SDC4: variants seen among roughly 807,000 people sequenced by gnomAD.
The protein encoded by SDC4 is syndecan 4, also known as syndecan-4.
A neutral mutation model predicts 20.5 loss-of-function variants in SDC4; 17 were observed. That is an observed-to-expected ratio of 0.83 (90% CI 0.57 to 1.25). The LOEUF is 1.25. SDC4 is among the 50% of genes most tolerant of loss of function. The pLI, the probability that SDC4 is intolerant of heterozygous loss-of-function variation, is 0.00. For missense variants in SDC4, 241 were observed against 252.3 expected, an observed-to-expected ratio of 0.96 and a Z score of 0.30; for synonymous variants, 107 against 105.3, an observed-to-expected ratio of 1.02 and a Z score of -0.10.
intron 1 of SDC4, among the ~76,000 whole-genome samples, chr20:45,336,552 G>T (rs1254814950): frequency 6.6e-6 from 1 of 152,144 alleles, no homozygotes; most frequent in African/African-American, 2.4e-5. Context: ...TACAGCCGAG[G>T]GAGTCATTTT....
chr20:45,341,732 C>T (rs573908751), intron 1 of SDC4, among the ~76,000 whole-genome samples: 56 of 152,196 alleles, frequency 3.7e-4, no homozygotes, highest in South Asian at 2.5e-3. Flanking sequence ...AGGCCTGGCA[C>T]TGCCTGCAAC....
At chr20:45,341,899 G>A (rs936213256) in intron 1 of SDC4, among the ~76,000 whole-genome samples, 10 of 152,148 alleles carry the variant, frequency 6.6e-5, no homozygotes, top group East Asian at 1.9e-4. Flanking sequence ...CTGGATGATC[G>A]TGGACAATTC....
intron 1 of SDC4, chr20:45,345,307 T>C (rs1838687369): frequency 6.6e-6 from 1 of 152,198 alleles, no homozygotes; most frequent in African/African-American, 2.4e-5. Context: ...AGACCTCTTT[T>C]GAATAGTAGG....
At position 45,330,473 on chromosome 20, in the gene SDC4, G is replaced by C; in HGVS notation, c.338C>G (p.Pro113Arg). 6.2e-7 allele frequency: 1 copy of C among 1,614,142 alleles called. No homozygotes were observed. Among genetic ancestry groups the C allele is most frequent in the East Asian group, 2.2e-5 (1 of 44,884 alleles). The part of the protein sequence containing the change: ...PKKLEENEVI[P>R]KRISPVEESE... Reference sequence around the variant, plus strand: ...CTCTTCAACGGGTGAGATTCTCTTGGGGATAACCTCATTCTCCTCTAGTTT... The same window carrying C: ...CTCTTCAACGGGTGAGATTCTCTTGCGGATAACCTCATTCTCCTCTAGTTT... Residue 113 changes from proline (P) to arginine (R), a missense_variant, in exon 4 of 5, where the codon CCC (proline) becomes CGC (arginine). Transcript: ENST00000372733.
chr20:45,340,641 A>ATAACTG (rs1453021240), intron 1 of SDC4, among the ~76,000 whole-genome samples: 1 of 152,256 alleles, frequency 6.6e-6, no homozygotes, highest in Non-Finnish European at 1.5e-5. Flanking sequence ...CAGGGCTTGG[A>ATAACTG]TAACTGTGAA....
chr20:45,345,679 C>T (rs2741454), intron 1 of SDC4: 66,278 of 152,114 alleles, frequency 0.44, 16,619 homozygotes, highest in East Asian at 0.88. Context: ...CGCCTGGGCC[C>T]GGGGCCAAGT....
chr20:45,330,957 G>C (rs1241128234), intron 3 of SDC4, among the ~76,000 whole-genome samples: 1 of 152,226 alleles, frequency 6.6e-6, no homozygotes, highest in Admixed American at 6.5e-5. Flanking sequence ...ACGTGTAAAA[G>C]ATGCTTGCTG....
At chr20:45,342,169 T>C (rs1987961881) in intron 1 of SDC4, among the ~76,000 whole-genome samples, 1 of 152,174 alleles carries the variant, frequency 6.6e-6, no homozygotes, top group African/African-American at 2.4e-5. Flanking sequence ...TCCTGTGTTC[T>C]CAGAGCAGAG....
chr20:45,347,047 G>A (rs183194892), intron 1 of SDC4, among the ~76,000 whole-genome samples: 1 of 152,244 alleles, frequency 6.6e-6, no homozygotes, highest in East Asian at 1.9e-4. Flanking sequence ...TTGGAATTAA[G>A]CTCCTGGATA....
chr20:45,348,235 G>GGCCCCCCC, intron 1 of SDC4, 90 bp downstream of exon 1: 4 of 889,344 alleles, frequency 4.5e-6, no homozygotes, highest in Non-Finnish European at 5.3e-6. Flanking sequence ...CCCCCGATCT[G>GGCCCCCCC]CCCCCCCCCA....
At chr20:45,344,395 T>C (rs1261919060) in intron 1 of SDC4, among the ~76,000 whole-genome samples, 1 of 152,106 alleles carries the variant, frequency 6.6e-6, no homozygotes, top group Non-Finnish European at 1.5e-5. Context: ...AGCCAAGAGT[T>C]TGAAAGGAAA....
chr20:45,339,834 AG>A (rs1987929654), intron 1 of SDC4, among the ~76,000 whole-genome samples: 1 of 152,188 alleles, frequency 6.6e-6, no homozygotes, highest in African/African-American at 2.4e-5. Context: ...GGGGGTTTAG[AG>A]ATACTACATT....
chr20:45,327,112 C>T lies in SDC4; in HGVS notation c.*152G>A. 1.4e-6 allele frequency: 1 copy of T among 727,500 alleles called. No individual in the cohort carries two copies. Among genetic ancestry groups the T allele is most frequent in the Admixed American group, 2.9e-5 (1 of 34,232 alleles). 45.1% of individuals were successfully genotyped at this position (727,500 alleles called of 1,614,324 possible). On this transcript the variant is annotated 3_prime_UTR_variant, in exon 5 of 5. Transcript: ENST00000372733. ...AAGAACCTGGCAGAACAGTAGAAGA[C>T]AATGTCTCTTCTGAACACTTCAAAG...
At chr20:45,331,209 T>C (rs559402725) in intron 3 of SDC4, among the ~76,000 whole-genome samples, 26 of 152,238 alleles carry the variant, frequency 1.7e-4, no homozygotes, top group African/African-American at 6.3e-4. Context: ...TTGGAGGACT[T>C]TGGATATCAC....
chr20:45,330,654 T>C, intron 3 of SDC4, 90 bp from the exon 4 acceptor site: 1 of 1,141,402 alleles, frequency 8.8e-7, no homozygotes, highest in South Asian at 1.4e-5. Flanking sequence ...GCAGAGAATC[T>C]GGTTCTGCCA....
At chr20:45,339,192 TCCTCTCCTCCG>T (rs1245735884) in intron 1 of SDC4, among the ~76,000 whole-genome samples, 1 of 152,200 alleles carries the variant, frequency 6.6e-6, no homozygotes, top group Non-Finnish European at 1.5e-5. Context: ...CCAACGGTCC[TCCTCTCCTCCG>T]CCCTCTTTTC....
chr20:45,335,956 C>A, intron 1 of SDC4, 36 bp from the exon 2 acceptor site: 1 of 1,599,184 alleles, frequency 6.3e-7, no homozygotes, highest in Non-Finnish European at 8.5e-7. Flanking sequence ...AGCCAACATC[C>A]CCAGTGCTCC....
chr20:45,332,911 TG>T, intron 3 of SDC4, 111 bp downstream of exon 3: 1 of 1,003,036 alleles, frequency 1.0e-6, no homozygotes, highest in Non-Finnish European at 1.5e-6. Context: ...TCCCGCATAG[TG>T]GGGTAAGACC....
chr20:45,328,046 A>G (rs920024103), intron 4 of SDC4, among the ~76,000 whole-genome samples: 4 of 152,242 alleles, frequency 2.6e-5, no homozygotes, highest in Non-Finnish European at 5.9e-5. Context: ...GAACAGGAGA[A>G]AACCGTAGGC....
Sources: gnomAD v4.1 joint callset for allele counts (sites outside exome capture counted in the v4.1 genomes callset) on GRCh38, gnomAD v4.1.1 for gene constraint, MANE v1.5 for transcripts, NCBI Gene and HGNC (gene_info 2026-07-23, HGNC 2026-07-21) for gene names.